Variants in SIDT1 observed in about 807,000 individuals in gnomAD.
SIDT1 encodes SID1 transmembrane family, member 1.
In SIDT1, 101 loss-of-function variants were observed where a neutral mutation model predicts 107.5. The observed-to-expected ratio is 0.94, with a 90% CI of 0.80 to 1.11. SIDT1 has a LOEUF of 1.11. Among genes scored for constraint, SIDT1 ranks in the 50% least tolerant of loss-of-function variants. The probability of loss-of-function intolerance (pLI) is 0.00; values close to 1 mark genes in which losing one functional copy is unlikely to be tolerated. For missense variants in SIDT1, 1,076 were observed against 1,058.2 expected (o/e 1.02, Z -0.23); for synonymous variants, 395 against 398.2 (o/e 0.99, Z 0.10).
intron 18 of SIDT1, 134 bp downstream of exon 18, chr3:113,611,278 A>T (rs1945720624): frequency 7.8e-6 from 8 of 1,026,218 alleles, no homozygotes; most frequent in Middle Eastern, 2.9e-4. Context: ...CTCATGACAC[A>T]ATTTCATCTC....
At chr3:113,601,184 T>TA (rs1944934283) in intron 10 of SIDT1, among the ~76,000 whole-genome samples, 2 of 152,200 alleles carry the variant, frequency 1.3e-5, no homozygotes, top group African/African-American at 2.4e-5. Flanking sequence ...AATGGACACA[T>TA]AAAAAATTTA....
chr3:113,533,061 C>T lies in SIDT1; in HGVS notation c.40C>T (p.Pro14Ser), dbSNP rs948748424. 1 of 1,485,110 alleles carries T rather than the reference C, an allele frequency of 6.7e-7. No homozygotes were observed. Among genetic ancestry groups the T allele is most frequent in the Non-Finnish European group, 8.9e-7 (1 of 1,118,504 alleles). The allele number at this position is 1,485,110 out of a possible 1,614,324, so 92.0% of individuals were successfully genotyped here. Residue 14 changes from proline (P) to serine (S), a missense_variant, in exon 1 of 25, where the codon CCC (proline) becomes TCC (serine). By Grantham distance (74) the Pro-to-Ser change is moderately conservative. Transcript: ENST00000264852. The part of the protein sequence containing the change: ...CLRLALLCAL[P>S]WLLLAASPGH... ...GCGGCTCGCGCTGCTCTGCGCGCTG[C>T]CCTGGCTCCTGCTGGCGGCGTCGCC...
intron 9 of SIDT1, among the ~76,000 whole-genome samples, chr3:113,591,453 A>C (rs1390689860): frequency 2.0e-5 from 3 of 152,192 alleles, no homozygotes; most frequent in African/African-American, 7.2e-5. Flanking sequence ...AATTCATATG[A>C]AAATGAAAGG....
chr3:113,571,150 A>G (rs1311912601), intron 3 of SIDT1, among the ~76,000 whole-genome samples: 1 of 152,222 alleles, frequency 6.6e-6, no homozygotes, highest in African/African-American at 2.4e-5. Flanking sequence ...AGCAGAGCAC[A>G]GTGGCTCCCG....
At chr3:113,575,981 G>A (rs1942869075) in intron 3 of SIDT1, among the ~76,000 whole-genome samples, 1 of 152,186 alleles carries the variant, frequency 6.6e-6, no homozygotes, top group African/African-American at 2.4e-5. Flanking sequence ...GACTGCTGTG[G>A]ACTTGTGTGC....
chr3:113,596,754 A>G lies in SIDT1; in HGVS notation c.1045+3706A>G, dbSNP rs138820667. On this transcript the variant is annotated intron_variant, in intron 10 of 24. Coordinates refer to ENST00000264852, the MANE Select transcript of SIDT1 (RefSeq NM_017699.3). Reference sequence around the variant, plus strand: ...AATTCAGTTACCAGCTGAGAAAAATAATGAAGCCTCCCCAACAGGCCTCTG... The same window carrying G: ...AATTCAGTTACCAGCTGAGAAAAATGATGAAGCCTCCCCAACAGGCCTCTG... 2.4e-3 allele frequency among the ~76,000 whole-genome samples: 372 copies of G among 152,330 alleles called. 1 individual carries two copies. The highest frequency in any genetic ancestry group is 8.1e-3 in the African/African-American group (337 of 41,568).
At chr3:113,616,203 G>T in intron 20 of SIDT1, 27 bp downstream of exon 20, 1 of 1,550,556 alleles carries the variant, frequency 6.4e-7, no homozygotes, top group Non-Finnish European at 8.9e-7. Context: ...GTGTTCTTTG[G>T]CCCTGTCCCA....
rs775997255 is a variant in SIDT1 at position 113,623,629 on chromosome 3, A to G, written c.2203A>G (p.Ser735Gly). Residue 735 changes from serine (S) to glycine (G), a missense_variant, in exon 23 of 25, where the codon AGC becomes GGC. By Grantham distance (56) the Ser-to-Gly change is moderately conservative. Transcript: ENST00000264852. ...TCTGCTTCTCCTCCCACAGCTCCGC[A>G]GCTCTGAAAAGGTCCTCCCAGTCCC... The part of the protein sequence containing the change: ...LAFYIIMKLR[S>G]SEKVLPVPLF... 2 of 1,613,542 alleles carry G rather than the reference A, an allele frequency of 1.2e-6. No homozygotes were observed. The highest frequency in any genetic ancestry group is 1.7e-6 in the Non-Finnish European group (2 of 1,179,488).
intron 3 of SIDT1, among the ~76,000 whole-genome samples, chr3:113,572,993 T>C (rs924790695): frequency 7.7e-6 from 1 of 130,644 alleles, no homozygotes; most frequent in Non-Finnish European, 1.7e-5. Flanking sequence ...AAGATTTACA[T>C]TCCTTTTTTT....
chr3:113,602,843 T>G, intron 11 of SIDT1, 162 bp from the exon 12 acceptor site: 1 of 604,422 alleles, frequency 1.7e-6, no homozygotes, highest in Non-Finnish European at 2.6e-6. Flanking sequence ...AAAAGTCCAT[T>G]GAGAAGGAAT....
intron 10 of SIDT1, among the ~76,000 whole-genome samples, chr3:113,596,523 G>T (rs1285515715): frequency 2.6e-5 from 4 of 152,210 alleles, no homozygotes; most frequent in African/African-American, 9.7e-5. Context: ...GCAAAGAGCT[G>T]CTCCAGGGGA....
rs1214796523 is a variant in SIDT1 at position 113,533,085 on chromosome 3, C to T, written c.64C>T (p.Pro22Ser). 6.6e-7 allele frequency: 1 copy of T among 1,511,272 alleles called. No homozygotes were observed. The highest frequency in any genetic ancestry group is 8.8e-7 in the Non-Finnish European group (1 of 1,130,008). The allele number at this position is 1,511,272 out of a possible 1,614,324, so 93.6% of individuals were successfully genotyped here. Residue 22 changes from proline to serine, a missense_variant, in exon 1 of 25, where the codon CCC (proline) becomes TCC (serine). By Grantham distance (74) the Pro-to-Ser change is moderately conservative (BLOSUM62 -1). Transcript: ENST00000264852. ...GCCCTGGCTCCTGCTGGCGGCGTCG[C>T]CCGGGCACCCGGCGAAATCCCCCAG... ...ALPWLLLAAS[P>S]GHPAKSPRQP...
intron 1 of SIDT1, among the ~76,000 whole-genome samples, chr3:113,544,402 G>A (rs907939395): frequency 1.9e-4 from 29 of 152,082 alleles, no homozygotes; most frequent in Non-Finnish European, 4.1e-4. Flanking sequence ...ATATTGGCCA[G>A]GATGGTCTCG....
At chr3:113,555,090 T>C (rs932645125) in intron 1 of SIDT1, among the ~76,000 whole-genome samples, 1 of 152,234 alleles carries the variant, frequency 6.6e-6, no homozygotes, top group Non-Finnish European at 1.5e-5. Context: ...ATGTACCTCA[T>C]GCTCCAGCCA....
At chr3:113,608,035 A>G in intron 15 of SIDT1, 59 bp from the exon 16 acceptor site, 1 of 1,470,420 alleles carries the variant, frequency 6.8e-7, no homozygotes, top group East Asian at 2.4e-5. Context: ...TGCATCATGT[A>G]TTCTCTGGGT....
chr3:113,565,455 C>A (rs1011028863), intron 1 of SIDT1, among the ~76,000 whole-genome samples: 8 of 151,994 alleles, frequency 5.3e-5, no homozygotes, highest in African/African-American at 1.9e-4. Flanking sequence ...TTCCTTGAAC[C>A]TGGGAGGTTG....
intron 12 of SIDT1, among the ~76,000 whole-genome samples, chr3:113,603,758 A>G (rs1945128638): frequency 6.6e-6 from 1 of 152,236 alleles, no homozygotes; most frequent in East Asian, 1.9e-4. Context: ...TGGGAAAAAC[A>G]ACATTAAAAG....
Position 113,592,986 on chromosome 3 carries a change from T to C in SIDT1, c.1002-19T>C. 6.3e-7 allele frequency: 1 copy of C among 1,599,828 alleles called. No individual in the cohort carries two copies. Among genetic ancestry groups the C allele is most frequent in the Non-Finnish European group, 8.6e-7 (1 of 1,166,976 alleles). On this transcript the variant is annotated intron_variant, in intron 9 of 24. Transcript: ENST00000264852. ...AGGTTTTCACTGTCTTAGGAGCATG[T>C]GTATGTGCTTGTTTGCAGGTTTCAG...
intron 1 of SIDT1, among the ~76,000 whole-genome samples, chr3:113,560,491 AG>A (rs1453857989): frequency 2.0e-5 from 3 of 152,160 alleles, no homozygotes; most frequent in Non-Finnish European, 2.9e-5. Context: ...GATGGATGAG[AG>A]TGGGAGCATG....
Sources: gnomAD v4.1 joint callset for allele counts (sites outside exome capture counted in the v4.1 genomes callset) on GRCh38, gnomAD v4.1.1 for gene constraint, MANE v1.5 for transcripts, NCBI Gene and HGNC (gene_info 2026-07-23, HGNC 2026-07-21) for gene names.